SORCS3: variants seen among roughly 807,000 people sequenced by gnomAD.
SORCS3 encodes VPS10 domain-containing receptor SorCS3.
In SORCS3, 57 loss-of-function variants were observed where a neutral mutation model predicts 146.3. The ratio of observed to expected loss-of-function variants is 0.39; its 90% CI spans 0.31 to 0.49. The LOEUF is 0.49. Ranked by LOEUF, SORCS3 falls within the 20% of genes least tolerant of loss-of-function variation. The pLI, the probability that SORCS3 is intolerant of heterozygous loss-of-function variation, is 0.92. For missense variants in SORCS3, 1,341 were observed against 1,575.5 expected, an observed-to-expected ratio of 0.85 and a Z score of 2.52; for synonymous variants, 653 against 618.5, an observed-to-expected ratio of 1.06 and a Z score of -0.83.
At chr10:104,996,402 A>G (rs1342097507) in intron 4 of SORCS3, among the ~76,000 whole-genome samples, 1 of 152,140 alleles carries the variant, frequency 6.6e-6, no homozygotes, top group Non-Finnish European at 1.5e-5. Flanking sequence ...TTTTTAGCTT[A>G]TAGATCTTGC....
At chr10:104,748,981 C>T (rs2016948002) in intron 1 of SORCS3, among the ~76,000 whole-genome samples, 1 of 152,190 alleles carries the variant, frequency 6.6e-6, no homozygotes, top group South Asian at 2.1e-4. Context: ...CACCATTAAG[C>T]CAATCTGCTG....
chr10:104,899,947 T>C (rs1348610526), intron 2 of SORCS3, among the ~76,000 whole-genome samples: 1 of 152,066 alleles, frequency 6.6e-6, no homozygotes, highest in African/African-American at 2.4e-5. Context: ...AGCCCAGCCC[T>C]CTTGCCTTAC....
intron 2 of SORCS3, among the ~76,000 whole-genome samples, chr10:104,845,823 T>G (rs1245511867): frequency 6.6e-6 from 1 of 152,154 alleles, no homozygotes; most frequent in Non-Finnish European, 1.5e-5. Context: ...GGATGCAGTT[T>G]GGCAAGTGGA....
intron 1 of SORCS3, among the ~76,000 whole-genome samples, chr10:104,651,994 A>G (rs1262550347): frequency 6.6e-6 from 1 of 152,058 alleles, no homozygotes; most frequent in Admixed American, 6.6e-5. Flanking sequence ...ACTCTGAGAC[A>G]TGTTTCTTTC....
chr10:104,653,863 T>G (rs1025369551), intron 1 of SORCS3, among the ~76,000 whole-genome samples: 1 of 152,210 alleles, frequency 6.6e-6, no homozygotes, highest in Non-Finnish European at 1.5e-5. Context: ...TATTATTGAC[T>G]CTAGTCACCC....
chr10:105,090,010 C>A (rs1574401), intron 6 of SORCS3, among the ~76,000 whole-genome samples, 171 bp downstream of exon 6: 1,718 of 152,250 alleles, frequency 0.011, 31 homozygotes, highest in African/African-American at 0.038. Context: ...CTAAGGGAGA[C>A]TTTTCATTGA....
At chr10:104,855,731 A>ATGTGTG (rs142974541) in intron 2 of SORCS3, among the ~76,000 whole-genome samples, 2,052 of 149,130 alleles carry the variant, frequency 0.014, 45 homozygotes, top group African/African-American at 0.048. Flanking sequence ...GTGTGTGTGT[A>ATGTGTG]TGTGTGTGTG....
intron 1 of SORCS3, among the ~76,000 whole-genome samples, chr10:104,819,455 T>A (rs928603223): frequency 6.6e-5 from 10 of 152,198 alleles, no homozygotes; most frequent in Admixed American, 1.3e-4. Context: ...ACTCTTTCAG[T>A]AAGCTCCTCA....
chr10:104,780,911 T>C (rs1235127862), intron 1 of SORCS3, among the ~76,000 whole-genome samples: 2 of 152,244 alleles, frequency 1.3e-5, no homozygotes, highest in East Asian at 1.9e-4. Context: ...GTACTAACTG[T>C]AGAATATTGT....
chr10:104,836,370 T>A (rs995877448), intron 1 of SORCS3, among the ~76,000 whole-genome samples: 1 of 152,142 alleles, frequency 6.6e-6, no homozygotes, highest in Non-Finnish European at 1.5e-5. Context: ...ATTCTTATAC[T>A]GTGCTTGGCA....
intron 2 of SORCS3, among the ~76,000 whole-genome samples, chr10:104,856,767 T>TA (rs967554240): frequency 1.4e-5 from 2 of 144,978 alleles, no homozygotes; most frequent in Non-Finnish European, 3.0e-5. Flanking sequence ...ATAATATACA[T>TA]ATAATATATA....
At chr10:105,044,220 T>C (rs1418764945) in intron 5 of SORCS3, among the ~76,000 whole-genome samples, 1 of 151,946 alleles carries the variant, frequency 6.6e-6, no homozygotes, top group African/African-American at 2.4e-5. Flanking sequence ...AAATAAAAAA[T>C]GAGCTGGCCA....
intron 1 of SORCS3, among the ~76,000 whole-genome samples, chr10:104,642,364 G>A (rs1007333184): frequency 6.6e-6 from 1 of 151,556 alleles, no homozygotes; most frequent in African/African-American, 2.4e-5. Flanking sequence ...TGCGGCTGCC[G>A]GGCTCCCCCT....
At chr10:104,706,913 T>C (rs1342131208) in intron 1 of SORCS3, among the ~76,000 whole-genome samples, 2 of 152,120 alleles carry the variant, frequency 1.3e-5, no homozygotes, top group East Asian at 1.9e-4. Flanking sequence ...ACGTGGAAGA[T>C]TGCTGTGGTT....
At chr10:104,906,782 G>C (rs1436457767) in intron 2 of SORCS3, among the ~76,000 whole-genome samples, 1 of 152,056 alleles carries the variant, frequency 6.6e-6, no homozygotes, top group Non-Finnish European at 1.5e-5. Flanking sequence ...TGACTGTTTG[G>C]TAACAATCAC....
chr10:105,131,498 C>T (rs2056018204), intron 7 of SORCS3, among the ~76,000 whole-genome samples: 1 of 152,166 alleles, frequency 6.6e-6, no homozygotes, highest in Admixed American at 6.6e-5. Flanking sequence ...ACACCAAGCA[C>T]TTCTGTGCGA....
intron 7 of SORCS3, among the ~76,000 whole-genome samples, chr10:105,131,415 A>G (rs558820275): frequency 1.3e-5 from 2 of 152,144 alleles, no homozygotes; most frequent in African/African-American, 4.8e-5. Context: ...AAGCTTCCAC[A>G]TGTCATTTCT....
intron 2 of SORCS3, among the ~76,000 whole-genome samples, chr10:104,863,588 A>C (rs1564700945): frequency 2.0e-5 from 3 of 152,132 alleles, no homozygotes; most frequent in Non-Finnish European, 4.4e-5. Flanking sequence ...GTGCTCAGTA[A>C]GTGTCTGTTG....
chr10:105,164,782 C>T (rs1162368303), intron 12 of SORCS3, among the ~76,000 whole-genome samples: 1 of 152,086 alleles, frequency 6.6e-6, no homozygotes, highest in Non-Finnish European at 1.5e-5. Context: ...AGGATTGGAA[C>T]ATTAAAACTG....
Sources: gnomAD v4.1 joint callset for allele counts (sites outside exome capture counted in the v4.1 genomes callset) on GRCh38, gnomAD v4.1.1 for gene constraint, MANE v1.5 for transcripts, NCBI Gene and HGNC (gene_info 2026-07-23, HGNC 2026-07-21) for gene names.